The following HYDIN variants were observed in gnomAD, a reference collection of about 807,000 sequenced individuals.
HYDIN encodes the protein HYDIN axonemal central pair apparatus protein, also known as axonemal central pair apparatus protein HYDIN.
HYDIN carries 132 observed loss-of-function variants against 403.9 expected under a neutral mutation model. That is an observed-to-expected ratio of 0.33 (90% CI 0.28 to 0.38). The LOEUF (loss-of-function observed/expected upper bound fraction) is 0.38. HYDIN is among the 10% of genes least tolerant of loss of function. HYDIN has a pLI of 1.00. For missense variants in HYDIN, 2,827 were observed against 5,009.5 expected (o/e 0.56, Z 13.15); for synonymous variants, 1,202 against 1,891.7 (o/e 0.64, Z 9.46).
At chr16:71,036,900 T>G (rs1597608986) in intron 18 of HYDIN, among the ~76,000 whole-genome samples, 1 of 152,266 alleles carries the variant, frequency 6.6e-6, no homozygotes, top group African/African-American at 2.4e-5. Context: ...ATATTTCCTG[T>G]TATTAAATGG....
intron 1 of HYDIN, among the ~76,000 whole-genome samples, chr16:71,224,442 T>C (rs2040937676): frequency 6.6e-6 from 1 of 152,290 alleles, no homozygotes; most frequent in South Asian, 2.1e-4. Context: ...GATTGAAATA[T>C]AAAATTATTT....
At position 70,884,039 on chromosome 16, in the gene HYDIN, C is replaced by G; in HGVS notation, c.9860G>C (p.Cys3287Ser). 6.2e-7 allele frequency: 1 copy of G among 1,614,108 alleles called. No individual in the cohort carries two copies. Among genetic ancestry groups the G allele is most frequent in the South Asian group, 1.1e-5 (1 of 91,052 alleles). The change falls in exon 59 of 86, where the codon TGT (cysteine) becomes TCT (serine). Residue 3287 changes from cysteine (C) to serine (S), a missense_variant. By Grantham distance (112) the Cys-to-Ser change is moderately radical. Transcript: ENST00000393567. ...SGGQQVINVD[C>S]VADAMGKCEE... The stretch of plus-strand genomic sequence containing the variant: ...ACACTTTCCCATGGCGTCAGCCACA[C>G]AGTCAACGTTGATGACCTGCTGTCC...
intron 23 of HYDIN, among the ~76,000 whole-genome samples, chr16:70,994,174 G>A (rs1435146192): frequency 3.3e-5 from 5 of 152,004 alleles, no homozygotes; most frequent in Non-Finnish European, 7.4e-5. Flanking sequence ...AGGATCCACG[G>A]TGTCCCCTCT....
intron 13 of HYDIN, among the ~76,000 whole-genome samples, chr16:71,069,886 T>A (rs117115165): frequency 6.6e-6 from 1 of 152,202 alleles, no homozygotes; most frequent in East Asian, 1.9e-4. Context: ...CACAAAAATA[T>A]ACATTTTTAC....
intron 83 of HYDIN, among the ~76,000 whole-genome samples, chr16:70,824,853 T>G (rs1281552413): frequency 6.6e-6 from 1 of 152,216 alleles, no homozygotes; most frequent in African/African-American, 2.4e-5. Flanking sequence ...GGGTTACTTT[T>G]TTTTTTCTTT....
At chr16:71,082,665 C>T (rs2082818762) in intron 12 of HYDIN, among the ~76,000 whole-genome samples, 1 of 148,582 alleles carries the variant, frequency 6.7e-6, no homozygotes, top group Admixed American at 6.8e-5. Context: ...TCCCTAAATC[C>T]TATTATTCCC....
chr16:71,003,402 A>G (rs1267138567), intron 23 of HYDIN, among the ~76,000 whole-genome samples: 14 of 151,910 alleles, frequency 9.2e-5, no homozygotes, highest in Admixed American at 9.2e-4. Flanking sequence ...AAATAAAATT[A>G]TCATTTATCC....
At chr16:71,129,990 C>T (rs2084640463) in intron 8 of HYDIN, among the ~76,000 whole-genome samples, 167 bp from the exon 9 acceptor site, 1 of 152,174 alleles carries the variant, frequency 6.6e-6, no homozygotes, top group African/African-American at 2.4e-5. Flanking sequence ...AGTCCTCAAA[C>T]CTCTCAGAGC....
rs1421004260 is a variant in HYDIN at position 70,993,860 on chromosome 16, G to A, written c.3645-1650C>T. Among the ~76,000 whole-genome samples the A allele has an allele frequency of 1.3e-4, 20 of 151,308 alleles. No individual in the cohort carries two copies. The East Asian group carries it at 2.3e-3, about 18-fold the overall frequency. On this transcript the variant is annotated intron_variant, in intron 23 of 85. Coordinates refer to ENST00000393567, the MANE Select transcript of HYDIN (RefSeq NM_001270974.2). ...TTGGTATTTAGTCTTTTACATTTTA[G>A]CCATTCAAATGAGCATACGGTGATA...
At chr16:71,205,022 A>T (rs2088220530) in intron 1 of HYDIN, among the ~76,000 whole-genome samples, 1 of 152,256 alleles carries the variant, frequency 6.6e-6, no homozygotes, top group Non-Finnish European at 1.5e-5. Context: ...CCACAGAAGT[A>T]AGCAAAGCCC....
At chr16:71,082,157 G>A (rs1306020376) in intron 12 of HYDIN, among the ~76,000 whole-genome samples, 1 of 151,816 alleles carries the variant, frequency 6.6e-6, no homozygotes, top group Non-Finnish European at 1.5e-5. Context: ...GACATTTCCT[G>A]GGCTACGAGG....
chr16:70,940,814 G>T (rs2077647695), intron 43 of HYDIN, among the ~76,000 whole-genome samples: 1 of 152,246 alleles, frequency 6.6e-6, no homozygotes, highest in South Asian at 2.1e-4. Flanking sequence ...GATTTGACTA[G>T]ATAGTGTTAG....
chr16:70,820,187 C>CTTTTTTTTTTT (rs57769826), intron 83 of HYDIN, among the ~76,000 whole-genome samples: 3 of 91,816 alleles, frequency 3.3e-5, no homozygotes, highest in Non-Finnish European at 4.4e-5. Flanking sequence ...TTTCTTTTTT[C>CTTTTTTTTTTT]TTTTTTTTTT....
intron 1 of HYDIN, among the ~76,000 whole-genome samples, chr16:71,187,248 T>C: frequency 6.6e-6 from 1 of 152,160 alleles, no homozygotes; most frequent in East Asian, 1.9e-4. Flanking sequence ...ACTAAATAGT[T>C]TGATAATTTA....
At chr16:70,948,430 T>C (rs2077951357) in intron 41 of HYDIN, among the ~76,000 whole-genome samples, 2 of 151,316 alleles carry the variant, frequency 1.3e-5, no homozygotes, top group African/African-American at 4.8e-5. Context: ...CCAAAAGCAA[T>C]GGCAACAAAA....
intron 18 of HYDIN, 49 bp from the exon 19 acceptor site, chr16:71,031,966 G>A: frequency 6.4e-7 from 1 of 1,560,236 alleles, no homozygotes; most frequent in Non-Finnish European, 8.8e-7. Flanking sequence ...TTGGCTTTTT[G>A]TTCTATAGAT....
At chr16:71,212,211 T>G (rs778665524) in intron 1 of HYDIN, among the ~76,000 whole-genome samples, 4 of 152,174 alleles carry the variant, frequency 2.6e-5, no homozygotes, top group Non-Finnish European at 4.4e-5. Context: ...CATTTTAAAT[T>G]TGTAGGCTGT....
intron 23 of HYDIN, among the ~76,000 whole-genome samples, chr16:70,999,157 A>C (rs1044526864): frequency 6.6e-6 from 1 of 152,228 alleles, no homozygotes; most frequent in Non-Finnish European, 1.5e-5. Context: ...CCTCTAGAAC[A>C]GTGGTTCTCA....
chr16:70,875,658 G>A (rs1454240524), intron 62 of HYDIN, among the ~76,000 whole-genome samples: 1 of 152,114 alleles, frequency 6.6e-6, no homozygotes, highest in Non-Finnish European at 1.5e-5. Context: ...GAAACTATAT[G>A]GAAGAATTAT....
Sources: allele counts gnomAD v4.1 joint callset (sites outside exome capture counted in the v4.1 genomes callset), GRCh38; gene constraint gnomAD v4.1.1; transcripts MANE v1.5; gene names NCBI Gene and HGNC (gene_info 2026-07-23, HGNC 2026-07-21).